SYNPR: variants seen among roughly 807,000 people sequenced by gnomAD.
The protein encoded by SYNPR is synaptoporin.
In SYNPR, 23 loss-of-function variants were observed where a neutral mutation model predicts 32.9. That is an observed-to-expected ratio of 0.70 (90% CI 0.50 to 0.99). The LOEUF (loss-of-function observed/expected upper bound fraction) is 0.99, where lower values mean the gene tolerates loss of function less well. Among genes scored for constraint, SYNPR ranks in the 50% least tolerant of loss-of-function variants. The pLI is 0.00. For synonymous variants in SYNPR, 146 were observed against 135.9 expected, an observed-to-expected ratio of 1.07 and a Z score of -0.52; for missense variants, 318 against 349.3, an observed-to-expected ratio of 0.91 and a Z score of 0.71.
chr3:63,361,419 C>T (rs1448148859), intron 2 of SYNPR, among the ~76,000 whole-genome samples: 1 of 151,952 alleles, frequency 6.6e-6, no homozygotes, highest in Non-Finnish European at 1.5e-5. Flanking sequence ...ATGGTGAAAC[C>T]CCATCTCTAC....
chr3:63,354,974 A>G (rs1276970957), intron 2 of SYNPR, among the ~76,000 whole-genome samples: 1 of 152,198 alleles, frequency 6.6e-6, no homozygotes, highest in East Asian at 1.9e-4. Flanking sequence ...AATGAAGAGT[A>G]TCTTACCTAA....
chr3:63,540,930 A>ACACACACACACACACACACACAC (rs1553644965), intron 3 of SYNPR, among the ~76,000 whole-genome samples: 23 of 122,850 alleles, frequency 1.9e-4, no homozygotes, highest in Admixed American at 1.7e-3. Context: ...TCCCCCCCCC[A>ACACACACACACACACACACACAC]ACACACACAC....
At chr3:63,219,002 T>C in the SYNPR span, among the ~76,000 whole-genome samples, 1 of 152,222 alleles carries the variant, frequency 6.6e-6, no homozygotes, top group South Asian at 2.1e-4. Context: ...AGTTCTTGCT[T>C]AGAGTCTAGT....
At chr3:63,388,209 G>A (rs2088081164) in intron 2 of SYNPR, among the ~76,000 whole-genome samples, 1 of 152,040 alleles carries the variant, frequency 6.6e-6, no homozygotes, top group Non-Finnish European at 1.5e-5. Context: ...TGAAGGAGCT[G>A]ATGGCAGAGC....
chr3:63,426,663 A>T (rs1371527520), intron 2 of SYNPR: 3 of 152,214 alleles, frequency 2.0e-5, no homozygotes, highest in African/African-American at 7.2e-5. Context: ...TATGTTAATC[A>T]TTCAAAAGTA....
chr3:63,593,700 TA>T (rs1194296561), intron 4 of SYNPR, among the ~76,000 whole-genome samples: 1 of 152,182 alleles, frequency 6.6e-6, no homozygotes, highest in African/African-American at 2.4e-5. Flanking sequence ...TCTTCACGCA[TA>T]AAACAAGATG....
At chr3:63,327,767 C>T (rs1280223468) in intron 2 of SYNPR, among the ~76,000 whole-genome samples, 1 of 152,098 alleles carries the variant, frequency 6.6e-6, no homozygotes, top group East Asian at 1.9e-4. Context: ...AGGACAGTAG[C>T]TAACTTTTGG....
chr3:63,468,234 G>T (rs1322956476), intron 2 of SYNPR, among the ~76,000 whole-genome samples: 2 of 150,276 alleles, frequency 1.3e-5, no homozygotes, highest in African/African-American at 4.9e-5. Context: ...TAATCAAAAC[G>T]AGTCCATGAA....
upstream of SYNPR, among the ~76,000 whole-genome samples, chr3:63,225,826 C>A (rs926439477): frequency 6.6e-6 from 1 of 152,088 alleles, no homozygotes; most frequent in East Asian, 1.9e-4. Flanking sequence ...AACTAAAAAG[C>A]TTCTGCACAG....
At chr3:63,556,767 C>G in intron 4 of SYNPR, 26 bp downstream of exon 4, 1 of 1,551,064 alleles carries the variant, frequency 6.4e-7, no homozygotes, top group Non-Finnish European at 8.7e-7. Context: ...TTTCAAATAA[C>G]TTTTTCTGTT....
At chr3:63,527,377 T>C (rs557739836) in intron 3 of SYNPR, among the ~76,000 whole-genome samples, 12 of 140,594 alleles carry the variant, frequency 8.5e-5, no homozygotes, top group Non-Finnish European at 1.4e-4. Context: ...CCCTTTCCTT[T>C]CCATTAAAAA....
intron 2 of SYNPR, among the ~76,000 whole-genome samples, chr3:63,400,742 A>G (rs1186350225): frequency 6.6e-6 from 1 of 152,216 alleles, no homozygotes; most frequent in African/African-American, 2.4e-5. Context: ...GAATTTGTGG[A>G]CATATGTCAA....
intron 2 of SYNPR, among the ~76,000 whole-genome samples, chr3:63,329,165 G>C (rs919759871): frequency 1.3e-5 from 2 of 152,052 alleles, no homozygotes; most frequent in Non-Finnish European, 2.9e-5. Flanking sequence ...TGACAACATG[G>C]CATTGTTTAA....
intron 2 of SYNPR, among the ~76,000 whole-genome samples, chr3:63,460,334 G>A (rs1011324303): frequency 4.6e-5 from 7 of 151,962 alleles, no homozygotes; most frequent in East Asian, 3.9e-4. Flanking sequence ...TACATGTACC[G>A]TAATTTCCAC....
chr3:63,311,788 A>G (rs1174755230), intron 2 of SYNPR, among the ~76,000 whole-genome samples: 1 of 152,062 alleles, frequency 6.6e-6, no homozygotes, highest in Admixed American at 6.6e-5. Flanking sequence ...GTCATTATGT[A>G]AAAAGTGCTT....
intron 1 of SYNPR, among the ~76,000 whole-genome samples, chr3:63,233,318 A>G (rs1038312089): frequency 1.3e-5 from 2 of 152,214 alleles, no homozygotes; most frequent in African/African-American, 4.8e-5. Flanking sequence ...AGTAAATTCA[A>G]ATTCTCTTTT....
At chr3:63,423,406 A>C (rs1380713696) in intron 2 of SYNPR, among the ~76,000 whole-genome samples, 1 of 152,186 alleles carries the variant, frequency 6.6e-6, no homozygotes, top group African/African-American at 2.4e-5. Context: ...GCCAGCGAGG[A>C]GACAGGAGAA....
intron 3 of SYNPR, among the ~76,000 whole-genome samples, chr3:63,531,352 T>G (rs1053024989): frequency 6.6e-6 from 1 of 152,116 alleles, no homozygotes; most frequent in Non-Finnish European, 1.5e-5. Flanking sequence ...ATTCCTTGCT[T>G]CTTCCTGGTT....
intron 3 of SYNPR, among the ~76,000 whole-genome samples, chr3:63,541,400 A>C (rs2106804729): frequency 6.6e-6 from 1 of 152,120 alleles, no homozygotes; most frequent in African/African-American, 2.4e-5. Flanking sequence ...AACCAACCAC[A>C]GTTTCAGAAT....
Sources: gnomAD v4.1 joint callset for allele counts (sites outside exome capture counted in the v4.1 genomes callset) on GRCh38, gnomAD v4.1.1 for gene constraint, MANE v1.5 for transcripts, NCBI Gene and HGNC (gene_info 2026-07-23, HGNC 2026-07-21) for gene names.